Variants in CANT1 observed in about 807,000 individuals in gnomAD.
CANT1 encodes calcium activated nucleotidase 1, also known as soluble calcium-activated nucleotidase 1.
CANT1 carries 26 observed loss-of-function variants against 30.0 expected under a neutral mutation model. The ratio of observed to expected loss-of-function variants is 0.87; its 90% CI spans 0.64 to 1.20. The LOEUF (loss-of-function observed/expected upper bound fraction) is 1.20, where lower values mean the gene tolerates loss of function less well. Among genes scored for constraint, CANT1 ranks in the 50% most tolerant of loss-of-function variants. CANT1 has a pLI of 0.00. For synonymous variants in CANT1, 246 were observed against 251.8 expected, an observed-to-expected ratio of 0.98 and a Z score of 0.22; for missense variants, 518 against 563.0, an observed-to-expected ratio of 0.92 and a Z score of 0.81.
At chr17:78,994,267 G>A (rs1464901786) in intron 4 of CANT1, among the ~76,000 whole-genome samples, 1 of 152,218 alleles carries the variant, frequency 6.6e-6, no homozygotes, top group Non-Finnish European at 1.5e-5. Context: ...AGGCATCGGC[G>A]GGGAGGCTGC....
rs2071019173 is a variant in CANT1 at position 78,995,898 on chromosome 17, G to T, written c.632-677C>A. ...CCGAGACTGTAGTAGCTTCTCTGCA[G>T]GGCCCTGGAGGGACCTGCGGTCTCC... On this transcript the variant is annotated intron_variant, in intron 3 of 4. Transcript: ENST00000392446. The surrounding 1 kb of genome is among the most constrained non-coding windows in gnomAD (Gnocchi z 5.7). Among the ~76,000 whole-genome samples the T allele has an allele frequency of 6.6e-6, 1 of 152,042 alleles. No individual in the cohort carries two copies. Among genetic ancestry groups the T allele is most frequent in the South Asian group, 2.1e-4 (1 of 4,826 alleles).
chr17:79,001,363 G>C (rs2071253727), intron 1 of CANT1, among the ~76,000 whole-genome samples: 1 of 152,082 alleles, frequency 6.6e-6, no homozygotes, highest in African/African-American at 2.4e-5. Context: ...CTGCCACTCA[G>C]GTCAGTCCCC....
Position 79,002,103 on chromosome 17 carries a change from C to T in CANT1, c.-146-4140G>A, listed in dbSNP as rs2071284271. Among the ~76,000 whole-genome samples, 1 of 152,196 alleles carries T rather than the reference C, an allele frequency of 6.6e-6. No homozygotes were observed. Among genetic ancestry groups the T allele is most frequent in the Non-Finnish European group, 1.5e-5 (1 of 68,036 alleles). On this transcript the variant is annotated intron_variant, in intron 1 of 4. Coordinates refer to ENST00000392446, the MANE Select transcript of CANT1 (RefSeq NM_001159773.2). This position sits in a 1 kb window ranked among gnomAD's most constrained non-coding sequence, Gnocchi z 4.0. ...AATGATCTAGACCAAGCTTGTCCAA[C>T]ATGTGGTCCAACACAAATTCGTAAA...
rs1394768451 is a variant in CANT1 at position 79,008,726 on chromosome 17, C to A, written c.-147+938G>T. 3.9e-5 allele frequency among the ~76,000 whole-genome samples: 6 copies of A among 152,152 alleles called. No homozygotes were observed. Among genetic ancestry groups the A allele is most frequent in the African/African-American group, 1.4e-4 (6 of 41,422 alleles). On this transcript the variant is annotated intron_variant, in intron 1 of 4. Coordinates refer to ENST00000392446, the MANE Select transcript of CANT1 (RefSeq NM_001159773.2). The surrounding 1 kb of genome is among the most constrained non-coding windows in gnomAD (Gnocchi z 4.4). Reference sequence around the variant, plus strand: ...GGGAAAGACCATTCGGAGGGAGAAGCAAAGGCACCAGGCAACATGGACTGG... The same window carrying A: ...GGGAAAGACCATTCGGAGGGAGAAGAAAAGGCACCAGGCAACATGGACTGG...
chr17:78,999,031 C>T (rs1223228712), intron 1 of CANT1, among the ~76,000 whole-genome samples: 2 of 152,200 alleles, frequency 1.3e-5, no homozygotes, highest in Non-Finnish European at 2.9e-5. Context: ...GACACCCCCA[C>T]CAGAGACACC....
Position 78,993,062 on chromosome 17 carries a change from A to G in CANT1, c.*488T>C, listed in dbSNP as rs1055710921. On this transcript the variant is annotated 3_prime_UTR_variant, in exon 5 of 5. Coordinates refer to ENST00000392446, the MANE Select transcript of CANT1 (RefSeq NM_001159773.2). The surrounding 1 kb of genome is among the most constrained non-coding windows in gnomAD (Gnocchi z 4.5). ...GACCATGCAATACCCTGCAACATAA[A>G]CATTTTCTTTTCCAAGGATCTGCAG... The G allele has an allele frequency of 5.5e-5, 18 of 327,550 alleles. No individual in the cohort carries two copies. Among genetic ancestry groups the G allele is most frequent in the African/African-American group, 3.7e-4 (18 of 48,138 alleles). 20.3% of individuals were successfully genotyped at this position (327,550 alleles called of 1,614,324 possible).
At chr17:79,004,079 G>T (rs1338060835) in intron 1 of CANT1, among the ~76,000 whole-genome samples, 1 of 15,128 alleles carries the variant, frequency 6.6e-5, no homozygotes, top group Non-Finnish European at 1.4e-4. Context: ...GGAGAGGGGA[G>T]TTAGGGAGGG....
In CANT1 at chr17:78,998,593, G is replaced by A. The variant is rs1451799719; in HGVS notation, c.-146-630C>T. 1.3e-5 allele frequency among the ~76,000 whole-genome samples: 2 copies of A among 152,246 alleles called. No homozygotes were observed. The highest frequency in any genetic ancestry group is 2.4e-5 in the African/African-American group (1 of 41,484). On this transcript the variant is annotated intron_variant, in intron 1 of 4. Coordinates refer to ENST00000392446, the MANE Select transcript of CANT1 (RefSeq NM_001159773.2). The surrounding 1 kb of genome is among the most constrained non-coding windows in gnomAD (Gnocchi z 4.5). ...AGGGTGCTGGTGGCGGCCAGGAACT[G>A]CAGCCCTTCACTGCTGTCGCCAAGC...
In CANT1 at chr17:78,992,806, G is replaced by A. The variant is rs537608697; in HGVS notation, c.*744C>T. 2 of 450,000 alleles carry A rather than the reference G, an allele frequency of 4.4e-6. No individual in the cohort carries two copies. The highest frequency in any genetic ancestry group is 7.9e-5 in the East Asian group (2 of 25,410). 27.9% of individuals were successfully genotyped at this position (450,000 alleles called of 1,614,324 possible). ...TACAGGACTGTGCTCTGTGTGATAA[G>A]ATTTGGTGATTCCACTTTATAAGAA... On this transcript the variant is annotated 3_prime_UTR_variant, in exon 5 of 5. Transcript: ENST00000392446.
chr17:78,994,768 C>T (rs761830289), intron 4 of CANT1, among the ~76,000 whole-genome samples: 3 of 152,168 alleles, frequency 2.0e-5, no homozygotes, highest in South Asian at 2.1e-4. Flanking sequence ...ACTAAAAATA[C>T]AATTAGCTGG....
intron 1 of CANT1, among the ~76,000 whole-genome samples, chr17:78,999,642 A>ATTTTTTTTTTTTTTTTTTTTTTTTT (rs35755919): frequency 2.1e-5 from 2 of 97,328 alleles, no homozygotes. Flanking sequence ...CGCACAGCGA[A>ATTTTTTTTTTTTTTTTTTTTTTTTT]TTTTTTTTTT....
In CANT1 at chr17:78,995,138, CA is replaced by C; in HGVS notation, c.714del (p.Asp239MetfsTer3). On this transcript the variant is annotated frameshift_variant, in exon 4 of 5. Coordinates refer to ENST00000392446, the MANE Select transcript of CANT1 (RefSeq NM_001159773.2). LOFTEE classifies it high-confidence loss of function. This position sits in a 1 kb window ranked among gnomAD's most constrained non-coding sequence, Gnocchi z 5.7. Reference sequence around the variant, plus strand: ...CACTCCGGGTTCTCGTTCACCACATCACCCGTAGTGGTCGTCCACTCCTTGC... The same window carrying C: ...CACTCCGGGTTCTCGTTCACCACATCCCCGTAGTGGTCGTCCACTCCTTGC... ...GLGKEWTTTT[G>X]DVVNENPEWV... 6.2e-7 allele frequency: 1 copy of C among 1,614,072 alleles called. No individual in the cohort carries two copies. The highest frequency in any genetic ancestry group is 8.5e-7 in the Non-Finnish European group (1 of 1,179,996).
rs189700956 is a variant in CANT1, at chr17:78,992,559, G to A, written c.*991C>T. 9.9e-4 allele frequency: 388 copies of A among 393,580 alleles called. 2 individuals are homozygous for A. The highest frequency in any genetic ancestry group is 7.3e-3 in the African/African-American group (361 of 49,764). The allele number at this position is 393,580 out of a possible 1,614,324, so 24.4% of individuals were successfully genotyped here. On this transcript the variant is annotated 3_prime_UTR_variant, in exon 5 of 5. Transcript: ENST00000392446. Reference sequence around the variant, plus strand: ...AAAGGCCATGGAAAGAAACCCCAGGGAAGAGACAGGCCTCGTTCACAGACC... The same window carrying A: ...AAAGGCCATGGAAAGAAACCCCAGGAAAGAGACAGGCCTCGTTCACAGACC...
rs1247919549 is a variant in CANT1, at chr17:78,992,258, C to G, written c.*1292G>C. ...GGTTTGTGAGGGACCGGCACAGGGA[C>G]AGCCAGAGCCGGCACCCTCCGGCCC... On this transcript the variant is annotated 3_prime_UTR_variant, in exon 5 of 5. Coordinates refer to ENST00000392446, the MANE Select transcript of CANT1 (RefSeq NM_001159773.2). The G allele has an allele frequency of 1.7e-5, 4 of 235,016 alleles. No individual in the cohort carries two copies. Among genetic ancestry groups the G allele is most frequent in the Non-Finnish European group, 2.5e-5 (3 of 118,986 alleles). 14.6% of individuals were successfully genotyped at this position (235,016 alleles called of 1,614,324 possible).
At chr17:79,007,310 T>C (rs1350702636) in intron 1 of CANT1, among the ~76,000 whole-genome samples, 1 of 152,212 alleles carries the variant, frequency 6.6e-6, no homozygotes, top group African/African-American at 2.4e-5. Context: ...ATAAGAGCTT[T>C]CCAGGAAATC....
rs2071682714 is a variant in CANT1 at position 79,009,725 on chromosome 17, T to G, written c.-208A>C. 6.6e-6 allele frequency: 1 copy of G among 151,374 alleles called. No homozygotes were observed. The highest frequency in any genetic ancestry group is 6.6e-5 in the Admixed American group (1 of 15,196). The allele number at this position is 151,374 out of a possible 1,614,324, so 9.4% of individuals were successfully genotyped here. On this transcript the variant is annotated 5_prime_UTR_variant, in exon 1 of 5. Coordinates refer to ENST00000392446, the MANE Select transcript of CANT1 (RefSeq NM_001159773.2). ...GGGCTTGGCTGGGCTTGGCTGGGCT[T>G]GGCTGGGCTAACGGCCGGGACGGAG...
chr17:78,994,919 A>G lies in CANT1; in HGVS notation c.835+99T>C, dbSNP rs2070976164. ...GGGGTGACAGAGCAAGACTATGTCT[A>G]AAATAAAAAACGGTTTTGGAGGCAA... On this transcript the variant is annotated intron_variant, in intron 4 of 4. Coordinates refer to ENST00000392446, the MANE Select transcript of CANT1 (RefSeq NM_001159773.2). 5.4e-6 allele frequency: 7 copies of G among 1,291,832 alleles called. No individual in the cohort carries two copies. In the Admixed American group the frequency reaches 1.4e-4, roughly 26 times the overall value. The allele number at this position is 1,291,832 out of a possible 1,614,324, so 80.0% of individuals were successfully genotyped here.
chr17:78,997,509 G>A lies in CANT1; in HGVS notation c.114C>T (p.Arg38=). The A allele has an allele frequency of 6.4e-7, 1 of 1,570,034 alleles. No individual in the cohort carries two copies. Residue 38 remains arginine, a synonymous_variant, in exon 3 of 5, where the codon CGC becomes CGT. Coordinates refer to ENST00000392446, the MANE Select transcript of CANT1 (RefSeq NM_001159773.2). This position sits in a 1 kb window ranked among gnomAD's most constrained non-coding sequence, Gnocchi z 7.5. ...LASMTKAADP[R]FRPRWKVILT... is the part of the protein sequence containing the mutation. ...GGATCACCTTCCAGCGGGGGCGGAA[G>A]CGGGGGTCCGCGGCCTTGGTCATGG...
chr17:79,007,248 C>T (rs1172889735), intron 1 of CANT1, among the ~76,000 whole-genome samples: 1 of 152,210 alleles, frequency 6.6e-6, no homozygotes, highest in Non-Finnish European at 1.5e-5. Context: ...TCAACATGAA[C>T]ATTCTTAAGA....
Sources: gnomAD v4.1 joint callset for allele counts (sites outside exome capture counted in the v4.1 genomes callset) on GRCh38, gnomAD v4.1.1 for gene constraint, Gnocchi (gnomAD v3.1) non-coding constraint, MANE v1.5 for transcripts, NCBI Gene and HGNC (gene_info 2026-07-23, HGNC 2026-07-21) for gene names.